Variants in NTM observed in about 807,000 individuals in gnomAD.
NTM encodes the protein neurotrimin, also known as IgLON family member 2.
A neutral mutation model predicts 42.1 loss-of-function variants in NTM; 13 were observed. The ratio of observed to expected loss-of-function variants is 0.31; its 90% CI spans 0.20 to 0.49. NTM has a LOEUF of 0.49. NTM is among the 20% of genes least tolerant of loss of function. The pLI, the probability that NTM is intolerant of heterozygous loss-of-function variation, is 0.99. For missense variants in NTM, 373 were observed against 452.8 expected, an observed-to-expected ratio of 0.82 and a Z score of 1.60; for synonymous variants, 187 against 179.2, an observed-to-expected ratio of 1.04 and a Z score of -0.35.
intron 2 of NTM, among the ~76,000 whole-genome samples, chr11:131,950,585 C>G (rs1000064499): frequency 1.3e-5 from 2 of 152,142 alleles, no homozygotes; most frequent in Non-Finnish European, 2.9e-5. Context: ...CTGGTCAAAT[C>G]TTGACTCCGC....
chr11:131,502,704 T>C (rs1335616237), intron 1 of NTM: 2 of 152,222 alleles, frequency 1.3e-5, no homozygotes, highest in Non-Finnish European at 2.9e-5. Context: ...TCATCGTCTG[T>C]AACTAAAACG....
intron 2 of NTM, among the ~76,000 whole-genome samples, chr11:131,983,132 C>T (rs2065518525): frequency 1.3e-5 from 2 of 151,584 alleles, no homozygotes; most frequent in Non-Finnish European, 2.9e-5. Context: ...TGCCTAATAT[C>T]TGAAAGTAGG....
intron 1 of NTM, among the ~76,000 whole-genome samples, chr11:131,427,360 T>C (rs1363798939): frequency 6.6e-6 from 1 of 152,086 alleles, no homozygotes; most frequent in Non-Finnish European, 1.5e-5. Flanking sequence ...AGTGTATTTG[T>C]GCTGAGAAAA....
At chr11:131,972,071 G>T (rs575222190) in intron 2 of NTM, among the ~76,000 whole-genome samples, 4 of 84,182 alleles carry the variant, frequency 4.8e-5, no homozygotes, top group Admixed American at 4.4e-4. Flanking sequence ...AAATTAGCCA[G>T]GTGTGGTGGC....
intron 3 of NTM, among the ~76,000 whole-genome samples, chr11:132,167,341 C>T (rs2075431763): frequency 6.6e-6 from 1 of 151,902 alleles, no homozygotes; most frequent in South Asian, 2.1e-4. Context: ...GCTGGGATTA[C>T]AGGTGTGAGC....
intron 1 of NTM, among the ~76,000 whole-genome samples, chr11:131,740,675 G>A (rs2081070714): frequency 6.6e-6 from 1 of 151,970 alleles, no homozygotes; most frequent in Admixed American, 6.6e-5. Flanking sequence ...GTCTCTGTCT[G>A]TCTCCTTCTT....
intron 1 of NTM, among the ~76,000 whole-genome samples, chr11:131,424,064 C>T (rs766169431): frequency 6.6e-6 from 1 of 152,142 alleles, no homozygotes; most frequent in Non-Finnish European, 1.5e-5. Flanking sequence ...TTGAAGCTGC[C>T]ATGCAAATAA....
At chr11:132,176,170 G>A (rs1037950093) in intron 3 of NTM, among the ~76,000 whole-genome samples, 6 of 152,144 alleles carry the variant, frequency 3.9e-5, no homozygotes, top group African/African-American at 1.2e-4. Context: ...TGTTGTGTGC[G>A]AGGGACACGC....
At position 131,955,027 on chromosome 11, in the gene NTM, T is replaced by C. The variant is rs539774; in HGVS notation, c.167+43379T>C. Among the ~76,000 whole-genome samples, 41 of 152,306 alleles carry C rather than the reference T, an allele frequency of 2.7e-4. No homozygotes were observed. The South Asian group carries it at 8.3e-3, about 31-fold the overall frequency. ...ATACTGTTCAGATGAACATCCTCATTGTCTTTATTCACAAGCATGATTACC... is the reference window on the plus strand; with the variant it reads ...ATACTGTTCAGATGAACATCCTCATCGTCTTTATTCACAAGCATGATTACC... On this transcript the variant is annotated intron_variant, in intron 2 of 8. Transcript: ENST00000683400.
chr11:131,728,225 G>A (rs184643571), intron 1 of NTM, among the ~76,000 whole-genome samples: 9 of 152,264 alleles, frequency 5.9e-5, no homozygotes, highest in South Asian at 4.1e-4. Context: ...ACCTGTTGAG[G>A]GCTCTCAGTC....
chr11:131,635,212 C>T (rs1409389701), intron 1 of NTM, among the ~76,000 whole-genome samples: 2 of 152,170 alleles, frequency 1.3e-5, no homozygotes, highest in African/African-American at 4.8e-5. Context: ...AAAAGAGTGA[C>T]ACCTTCTCAA....
At chr11:132,043,251 G>C (rs1051926910) in intron 2 of NTM, among the ~76,000 whole-genome samples, 1 of 152,202 alleles carries the variant, frequency 6.6e-6, no homozygotes, top group Non-Finnish European at 1.5e-5. Context: ...CTAAGGACCT[G>C]AGCTTGGTTT....
chr11:131,955,815 C>T (rs1416195998), intron 2 of NTM, among the ~76,000 whole-genome samples: 1 of 152,052 alleles, frequency 6.6e-6, no homozygotes, highest in Non-Finnish European at 1.5e-5. Context: ...ATTGCCTTCT[C>T]CTAAATATAA....
chr11:131,372,306 T>C (rs1206037431), intron 1 of NTM, among the ~76,000 whole-genome samples: 3 of 152,118 alleles, frequency 2.0e-5, no homozygotes, highest in East Asian at 1.9e-4. Flanking sequence ...TGATGTCGTC[T>C]GCTGCACCCA....
At chr11:131,512,012 C>T (rs2048314559) in intron 1 of NTM, among the ~76,000 whole-genome samples, 1 of 152,132 alleles carries the variant, frequency 6.6e-6, no homozygotes, top group Non-Finnish European at 1.5e-5. Context: ...CAGATCGCCA[C>T]TGATAGTGGA....
chr11:131,661,764 T>G (rs544821709), intron 1 of NTM, among the ~76,000 whole-genome samples: 1 of 152,172 alleles, frequency 6.6e-6, no homozygotes, highest in Non-Finnish European at 1.5e-5. Flanking sequence ...AATGCTCTTT[T>G]TTTTCCCCCT....
intron 3 of NTM, among the ~76,000 whole-genome samples, chr11:132,158,087 T>C (rs1480680483): frequency 6.6e-6 from 1 of 152,218 alleles, no homozygotes; most frequent in Non-Finnish European, 1.5e-5. Context: ...GCAGGCTTCG[T>C]TGTTCCTGAT....
chr11:131,716,222 A>G (rs2077676146), intron 1 of NTM, among the ~76,000 whole-genome samples: 1 of 152,184 alleles, frequency 6.6e-6, no homozygotes, highest in African/African-American at 2.4e-5. Flanking sequence ...AATCCCATTC[A>G]TGAGAGCTCT....
chr11:132,076,328 T>C (rs1469849115), intron 2 of NTM, among the ~76,000 whole-genome samples: 1 of 152,184 alleles, frequency 6.6e-6, no homozygotes, highest in Non-Finnish European at 1.5e-5. Context: ...AAAATTCACT[T>C]ACCAGATCTG....
Sources: allele counts gnomAD v4.1 joint callset (sites outside exome capture counted in the v4.1 genomes callset), GRCh38; gene constraint gnomAD v4.1.1; transcripts MANE v1.5; gene names NCBI Gene and HGNC (gene_info 2026-07-23, HGNC 2026-07-21).